ACMSD: variants seen among roughly 807,000 people sequenced by gnomAD.
The protein encoded by ACMSD is 2-amino-3-carboxymuconate-6-semialdehyde decarboxylase.
In ACMSD, 37 loss-of-function variants were observed where a neutral mutation model predicts 45.9. The observed-to-expected ratio is 0.81, with a 90% CI of 0.62 to 1.06. The LOEUF is 1.06. ACMSD is among the 50% of genes least tolerant of loss of function. The pLI is 0.00. For synonymous variants in ACMSD, 138 were observed against 148.8 expected (o/e 0.93, Z 0.53); for missense variants, 434 against 420.9 (o/e 1.03, Z -0.27).
chr2:134,852,815 G>T (rs1030522989), intron 2 of ACMSD, among the ~76,000 whole-genome samples: 5 of 152,088 alleles, frequency 3.3e-5, no homozygotes, highest in Non-Finnish European at 7.4e-5. Flanking sequence ...TGCTCGAGTG[G>T]GCACTAGGGG....
At chr2:134,857,461 T>C (rs1687635286) in intron 2 of ACMSD, among the ~76,000 whole-genome samples, 1 of 151,950 alleles carries the variant, frequency 6.6e-6, no homozygotes, top group Non-Finnish European at 1.5e-5. Context: ...AATAAATAAA[T>C]AATGGGATTG....
chr2:134,866,322 G>A (rs1688094634), intron 5 of ACMSD, among the ~76,000 whole-genome samples: 1 of 152,036 alleles, frequency 6.6e-6, no homozygotes, highest in Non-Finnish European at 1.5e-5. Flanking sequence ...AGAACCACCA[G>A]AGGCACATAG....
At chr2:134,872,770 G>A in intron 8 of ACMSD, 129 bp downstream of exon 8, 1 of 1,144,296 alleles carries the variant, frequency 8.7e-7, no homozygotes, top group South Asian at 1.5e-5. Context: ...GAGAGAGACA[G>A]TGAGGTTTGG....
At chr2:134,841,929 A>G (rs879353193) in intron 1 of ACMSD, among the ~76,000 whole-genome samples, 7 of 152,206 alleles carry the variant, frequency 4.6e-5, no homozygotes, top group Admixed American at 2.0e-4. Flanking sequence ...GGAGATAAAT[A>G]TCTGGTTTCA....
intron 2 of ACMSD, among the ~76,000 whole-genome samples, chr2:134,851,633 G>A (rs140153067): frequency 0.019 from 2,828 of 152,210 alleles, 95 homozygotes; most frequent in African/African-American, 0.065. Context: ...AGTAGAGACG[G>A]GGTTTCACCA....
At chr2:134,867,508 C>T in intron 5 of ACMSD, 71 bp from the exon 6 acceptor site, 1 of 1,254,204 alleles carries the variant, frequency 8.0e-7, no homozygotes, top group Non-Finnish European at 1.2e-6. Flanking sequence ...AGCAGTTTCC[C>T]CAAAACAGTA....
chr2:134,853,167 T>TAAA (rs201350282), intron 2 of ACMSD, among the ~76,000 whole-genome samples: 149 of 106,516 alleles, frequency 1.4e-3, no homozygotes, highest in African/African-American at 4.3e-3. Context: ...CATCTCAATC[T>TAAA]AAAAAAAAAA....
intron 8 of ACMSD, among the ~76,000 whole-genome samples, chr2:134,892,143 G>T (rs184542836): frequency 9.6e-4 from 146 of 152,078 alleles, no homozygotes; most frequent in African/African-American, 3.4e-3. Context: ...CATCATTCAG[G>T]TGATGGTTAC....
In ACMSD at chr2:134,863,420, T is replaced by A; in HGVS notation, c.275T>A (p.Leu92Gln). ...YWAKPEDTLN[L>Q]CQLLNNDLAS... The stretch of plus-strand genomic sequence containing the variant: ...GCCAAACCTGAGGACACTTTAAACC[T>A]GTGCCAGCTTTTAAACAACGACCTT... Residue 92 changes from leucine (L) to glutamine (Q), a missense_variant, in exon 5 of 10, where the codon CTG becomes CAG. By Grantham distance (113) the Leu-to-Gln change is moderately radical. Transcript: ENST00000356140. The A allele has an allele frequency of 6.2e-7, 1 of 1,614,238 alleles. No individual in the cohort carries two copies. The highest frequency in any genetic ancestry group is 8.5e-7 in the Non-Finnish European group (1 of 1,180,046).
At chr2:134,839,174 GT>G (rs1686668510) in intron 1 of ACMSD, among the ~76,000 whole-genome samples, 1 of 152,142 alleles carries the variant, frequency 6.6e-6, no homozygotes, top group South Asian at 2.1e-4. Flanking sequence ...TTTAAAATAA[GT>G]TTTAGAAGCA....
At chr2:134,891,034 T>C (rs1030664696) in intron 8 of ACMSD, among the ~76,000 whole-genome samples, 3 of 152,028 alleles carry the variant, frequency 2.0e-5, no homozygotes, top group Admixed American at 2.0e-4. Context: ...TAGATATTAA[T>C]ACCCTGTGTC....
At chr2:134,850,675 A>G (rs1471871231) in intron 2 of ACMSD, among the ~76,000 whole-genome samples, 1 of 141,780 alleles carries the variant, frequency 7.1e-6, no homozygotes, top group African/African-American at 2.6e-5. Context: ...TTATTATTAT[A>G]TAAGTAATAT....
At chr2:134,898,069 G>A (rs930392317) in intron 8 of ACMSD, among the ~76,000 whole-genome samples, 5 of 150,508 alleles carry the variant, frequency 3.3e-5, no homozygotes, top group African/African-American at 1.2e-4. Flanking sequence ...TTATATTTCA[G>A]TATTCTATAT....
intron 8 of ACMSD, among the ~76,000 whole-genome samples, chr2:134,898,003 C>T (rs546578296): frequency 6.7e-6 from 1 of 150,094 alleles, no homozygotes; most frequent in East Asian, 2.0e-4. Context: ...CTAAGAAAGA[C>T]AGAATCCCTT....
intron 9 of ACMSD, 91 bp downstream of exon 9, chr2:134,898,530 G>A: frequency 1.4e-6 from 1 of 731,928 alleles, no homozygotes. Context: ...TAAAAACAAA[G>A]AACAGAGGAA....
chr2:134,867,736 A>T, intron 6 of ACMSD, 64 bp downstream of exon 6: 1 of 1,350,502 alleles, frequency 7.4e-7, no homozygotes, highest in South Asian at 1.2e-5. Flanking sequence ...TCATCTATGG[A>T]AACCTATTAT....
chr2:134,850,114 A>C (rs1310451256), intron 2 of ACMSD, among the ~76,000 whole-genome samples: 3 of 146,802 alleles, frequency 2.0e-5, no homozygotes, highest in African/African-American at 7.5e-5. Context: ...TCGAAGTACT[A>C]ACCCCCTTAA....
At chr2:134,878,550 C>A (rs1240545828) in intron 8 of ACMSD, among the ~76,000 whole-genome samples, 2 of 152,144 alleles carry the variant, frequency 1.3e-5, no homozygotes, top group Non-Finnish European at 2.9e-5. Context: ...TGGTCTCGAC[C>A]TCCTGGACTC....
intron 3 of ACMSD, 100 bp downstream of exon 3, chr2:134,859,457 CT>C: frequency 9.0e-7 from 1 of 1,116,952 alleles, no homozygotes; most frequent in Non-Finnish European, 1.3e-6. Flanking sequence ...TTCTGACCCC[CT>C]TTTCTCTGCC....
Sources: allele counts gnomAD v4.1 joint callset (sites outside exome capture counted in the v4.1 genomes callset), GRCh38; gene constraint gnomAD v4.1.1; transcripts MANE v1.5; gene names NCBI Gene and HGNC (gene_info 2026-07-23, HGNC 2026-07-21).